LINGO2: variants seen among roughly 807,000 people sequenced by gnomAD.
The protein encoded by LINGO2 is leucine rich repeat and Ig domain containing 2.
Under a neutral mutation model 30.6 loss-of-function variants are expected in LINGO2, and 14 were observed. The ratio of observed to expected loss-of-function variants is 0.46; its 90% CI spans 0.30 to 0.72. The LOEUF (loss-of-function observed/expected upper bound fraction) is 0.72. Ranked by LOEUF, LINGO2 falls within the 30% of genes least tolerant of loss-of-function variation. The pLI, the probability that LINGO2 is intolerant of heterozygous loss-of-function variation, is 0.07. For synonymous variants in LINGO2, 317 were observed against 288.5 expected (o/e 1.10, Z -1.00); for missense variants, 729 against 751.7 (o/e 0.97, Z 0.35).
chr9:28,732,354 A>T, the LINGO2 span, among the ~76,000 whole-genome samples: 4 of 146,986 alleles, frequency 2.7e-5, no homozygotes, highest in African/African-American at 1.1e-4. Context: ...ACATTATTCC[A>T]AAAAAAAATG....
At chr9:28,974,339 G>C in the LINGO2 span, among the ~76,000 whole-genome samples, 1 of 152,160 alleles carries the variant, frequency 6.6e-6, no homozygotes, top group Non-Finnish European at 1.5e-5. Flanking sequence ...CTGGTAGGTG[G>C]AGGTTGCAGT....
At chr9:29,076,646 A>AT in the LINGO2 span, among the ~76,000 whole-genome samples, 166 of 145,766 alleles carry the variant, frequency 1.1e-3, no homozygotes, top group South Asian at 2.8e-3. Context: ...TATATATATA[A>AT]AATAAATTCA....
chr9:28,712,624 T>C, the LINGO2 span, among the ~76,000 whole-genome samples: 1 of 151,520 alleles, frequency 6.6e-6, no homozygotes, highest in Non-Finnish European at 1.5e-5. Context: ...AAGGATTAAA[T>C]AAACTAGACA....
chr9:28,555,430 TC>T (rs1822602939), intron 1 of LINGO2, among the ~76,000 whole-genome samples: 1 of 151,230 alleles, frequency 6.6e-6, no homozygotes, highest in African/African-American at 2.4e-5. Context: ...ACATACACTC[TC>T]CCAAGACTAA....
At chr9:28,453,598 A>C (rs1214624740) in intron 2 of LINGO2, among the ~76,000 whole-genome samples, 2 of 152,012 alleles carry the variant, frequency 1.3e-5, no homozygotes, top group Non-Finnish European at 2.9e-5. Flanking sequence ...ATCACTACCT[A>C]GATTATTGGG....
intron 4 of LINGO2, among the ~76,000 whole-genome samples, chr9:28,100,799 T>C (rs1398264490): frequency 2.6e-5 from 4 of 152,206 alleles, no homozygotes; most frequent in African/African-American, 9.6e-5. Context: ...AATCCTTCAA[T>C]GTCTGACTTA....
intron 4 of LINGO2, among the ~76,000 whole-genome samples, chr9:28,035,103 A>C (rs546998512): frequency 6.6e-6 from 1 of 152,224 alleles, no homozygotes; most frequent in Non-Finnish European, 1.5e-5. Context: ...AAAATTATGC[A>C]TTAGCTTGCA....
At chr9:28,789,777 C>CA in the LINGO2 span, among the ~76,000 whole-genome samples, 1 of 152,048 alleles carries the variant, frequency 6.6e-6, no homozygotes, top group Non-Finnish European at 1.5e-5. Context: ...TGAAATATTC[C>CA]ACGTTCCTCA....
At chr9:29,197,343 G>T in the LINGO2 span, among the ~76,000 whole-genome samples, 1 of 151,950 alleles carries the variant, frequency 6.6e-6, no homozygotes, top group African/African-American at 2.4e-5. Flanking sequence ...GTGTTAATTA[G>T]ATCATCCTCA....
chr9:28,291,184 C>A (rs1260238381), intron 4 of LINGO2, among the ~76,000 whole-genome samples: 9 of 152,190 alleles, frequency 5.9e-5, no homozygotes, highest in Non-Finnish European at 1.3e-4. Flanking sequence ...GCACTTGAAT[C>A]TTAGTGTTGG....
intron 1 of LINGO2, among the ~76,000 whole-genome samples, chr9:28,538,519 A>C (rs1314792351): frequency 6.6e-6 from 1 of 152,190 alleles, no homozygotes; most frequent in Non-Finnish European, 1.5e-5. Flanking sequence ...GGAGTAAAAA[A>C]GAAACTTGAC....
chr9:27,940,817 T>G, the LINGO2 span: 3 of 152,234 alleles, frequency 2.0e-5, no homozygotes, highest in Non-Finnish European at 4.4e-5. Flanking sequence ...GCCAGGCCAC[T>G]GAGTTAAAAG....
chr9:29,090,763 A>T, the LINGO2 span, among the ~76,000 whole-genome samples: 3 of 151,386 alleles, frequency 2.0e-5, no homozygotes, highest in Admixed American at 6.6e-5. Flanking sequence ...TCAGAATTTT[A>T]GTAAATTTAT....
upstream of LINGO2, among the ~76,000 whole-genome samples, chr9:28,671,421 C>T (rs559980257): frequency 6.9e-6 from 1 of 144,244 alleles, no homozygotes; most frequent in East Asian, 2.2e-4. Context: ...AAATGTGGTA[C>T]ATATCAACAC....
the LINGO2 span, among the ~76,000 whole-genome samples, chr9:28,747,928 G>C: frequency 6.6e-6 from 1 of 152,022 alleles, no homozygotes; most frequent in Non-Finnish European, 1.5e-5. Context: ...TAACGTACTT[G>C]CTTTTATTTT....
chr9:29,049,987 G>C, the LINGO2 span, among the ~76,000 whole-genome samples: 2 of 152,022 alleles, frequency 1.3e-5, no homozygotes, highest in African/African-American at 4.8e-5. Flanking sequence ...AAATGCTTTA[G>C]ATGATGGATA....
the LINGO2 span, among the ~76,000 whole-genome samples, chr9:29,082,550 G>A: frequency 6.6e-6 from 1 of 152,104 alleles, no homozygotes; most frequent in Non-Finnish European, 1.5e-5. Flanking sequence ...AACACCAAAA[G>A]CAATGGCAAC....
In LINGO2 at chr9:28,206,401, T is replaced by A. The variant is rs112537873; in HGVS notation, c.-87+88807A>T. 2.0e-4 allele frequency among the ~76,000 whole-genome samples: 30 copies of A among 152,232 alleles called. 1 individual carries two copies. Among genetic ancestry groups the A allele is most frequent in the African/African-American group, 6.7e-4 (28 of 41,536 alleles). On this transcript the variant is annotated intron_variant, in intron 4 of 5. Transcript: ENST00000379992. Reference sequence around the variant, plus strand: ...AAAAATATGAAAATGCCTAGTTTGATACTAAATATAATACTTTTAAACAGT... The same window carrying A: ...AAAAATATGAAAATGCCTAGTTTGAAACTAAATATAATACTTTTAAACAGT...
the LINGO2 span, among the ~76,000 whole-genome samples, chr9:29,211,196 C>T: frequency 6.6e-6 from 1 of 152,144 alleles, no homozygotes; most frequent in Non-Finnish European, 1.5e-5. Flanking sequence ...ATGGTATGCA[C>T]AAACACAGCA....
Sources: gnomAD v4.1 joint callset for allele counts (sites outside exome capture counted in the v4.1 genomes callset) on GRCh38, gnomAD v4.1.1 for gene constraint, MANE v1.5 for transcripts, NCBI Gene and HGNC (gene_info 2026-07-23, HGNC 2026-07-21) for gene names.